Variants in SNTA1 observed in about 807,000 individuals in gnomAD.
SNTA1 encodes alpha-1-syntrophin.
A neutral mutation model predicts 47.1 loss-of-function variants in SNTA1; 31 were observed. The ratio of observed to expected loss-of-function variants is 0.66; its 90% CI spans 0.49 to 0.89. The LOEUF is 0.89. Ranked by LOEUF, SNTA1 falls within the 40% of genes least tolerant of loss-of-function variation. The pLI is 0.00. For synonymous variants in SNTA1, 300 were observed against 313.6 expected (o/e 0.96, Z 0.46); for missense variants, 575 against 693.0 (o/e 0.83, Z 1.91).
intron 2 of SNTA1, among the ~76,000 whole-genome samples, chr20:33,432,134 A>T (rs915063470): frequency 5.9e-5 from 9 of 152,218 alleles, no homozygotes; most frequent in African/African-American, 1.9e-4. Flanking sequence ...TTCCTGGGAC[A>T]GGGGTCCCTC....
At chr20:33,426,528 G>A (rs572901140) in intron 2 of SNTA1, among the ~76,000 whole-genome samples, 8 of 151,544 alleles carry the variant, frequency 5.3e-5, no homozygotes, top group East Asian at 1.9e-4. Context: ...TTGGGTGGCC[G>A]AGGCGGGCGG....
In SNTA1 at chr20:33,408,309, C is replaced by G; in HGVS notation, c.*198G>C. 1 of 619,000 alleles carries G rather than the reference C, an allele frequency of 1.6e-6. No homozygotes were observed. Among genetic ancestry groups the G allele is most frequent in the Non-Finnish European group, 2.9e-6 (1 of 341,260 alleles). 38.3% of individuals were successfully genotyped at this position (619,000 alleles called of 1,614,324 possible). Reference sequence around the variant, plus strand: ...GGGCAGCAGGAAGGCCACCCCATCACAGGCAGAGTCCACTCTGTCCTGCGT... The same window carrying G: ...GGGCAGCAGGAAGGCCACCCCATCAGAGGCAGAGTCCACTCTGTCCTGCGT... On this transcript the variant is annotated 3_prime_UTR_variant, in exon 8 of 8. Coordinates refer to ENST00000217381, the MANE Select transcript of SNTA1 (RefSeq NM_003098.3).
chr20:33,443,399 G>C lies in SNTA1; in HGVS notation c.222C>G (p.Pro74=), dbSNP rs752864338. The change falls in exon 1 of 8, where the codon CCC becomes CCG. Residue 74 remains proline (P), a synonymous_variant. Coordinates refer to ENST00000217381, the MANE Select transcript of SNTA1 (RefSeq NM_003098.3). ...GCAGTAGCGCCTCTGGCAGCTGCGG[G>C]GGCCCGGCGCCCGGCTCCGCGGCGC... The part of the protein sequence containing the change: ...LNGAAEPGAG[P]PQLPEALLLQ... 2 of 1,360,360 alleles carry C rather than the reference G, an allele frequency of 1.5e-6. No homozygotes were observed. The highest frequency in any genetic ancestry group is 1.9e-6 in the Non-Finnish European group (2 of 1,063,764). The allele number at this position is 1,360,360 out of a possible 1,614,324, so 84.3% of individuals were successfully genotyped here.
intron 2 of SNTA1, among the ~76,000 whole-genome samples, chr20:33,421,655 A>G (rs1990024770): frequency 6.7e-6 from 1 of 148,354 alleles, no homozygotes; most frequent in Admixed American, 6.7e-5. Flanking sequence ...AATAATAAAA[A>G]TAAAAGATTA....
chr20:33,427,311 A>T (rs897724648), intron 2 of SNTA1, among the ~76,000 whole-genome samples: 1 of 152,076 alleles, frequency 6.6e-6, no homozygotes, highest in Non-Finnish European at 1.5e-5. Context: ...TCTGAGCCTC[A>T]GTTTCTTTGC....
chr20:33,411,373 A>G (rs1048089559), intron 5 of SNTA1, among the ~76,000 whole-genome samples: 12 of 148,994 alleles, frequency 8.1e-5, no homozygotes, highest in Non-Finnish European at 1.8e-4. Flanking sequence ...CCTCCTGTTC[A>G]TTCCGGACCC....
At chr20:33,436,445 T>G (rs956205303) in intron 2 of SNTA1, among the ~76,000 whole-genome samples, 2 of 152,182 alleles carry the variant, frequency 1.3e-5, no homozygotes, top group African/African-American at 4.8e-5. Flanking sequence ...ATCCATATCA[T>G]TTATGTGGCA....
intron 1 of SNTA1, among the ~76,000 whole-genome samples, chr20:33,439,231 C>T (rs938267324): frequency 6.6e-6 from 1 of 152,116 alleles, no homozygotes; most frequent in East Asian, 1.9e-4. Flanking sequence ...TGATTAGGTC[C>T]GGTGGCTCAT....
rs538629398 is a variant in SNTA1, at chr20:33,408,280, A to T, written c.*227T>A. ...ATCTCTCTGCAAAAGGCACTGGTGG[A>T]GGGGGGCAGCAGGAAGGCCACCCCA... is the stretch of plus-strand genomic sequence containing the variant. On this transcript the variant is annotated 3_prime_UTR_variant, in exon 8 of 8. Coordinates refer to ENST00000217381, the MANE Select transcript of SNTA1 (RefSeq NM_003098.3). The T allele has an allele frequency of 7.5e-5, 44 of 588,316 alleles. No individual in the cohort carries two copies. The highest frequency in any genetic ancestry group is 1.2e-4 in the Non-Finnish European group (38 of 325,782). The allele number at this position is 588,316 out of a possible 1,614,324, so 36.4% of individuals were successfully genotyped here. A position where few individuals can be genotyped will look rare whatever the true frequency, so the allele number is the denominator to read the frequency against.
At chr20:33,429,787 G>C (rs560498521) in intron 2 of SNTA1, among the ~76,000 whole-genome samples, 1 of 151,962 alleles carries the variant, frequency 6.6e-6, no homozygotes, top group Non-Finnish European at 1.5e-5. Flanking sequence ...TTTCGAGACA[G>C]GGTCTCACTC....
Position 33,417,865 on chromosome 20 carries a change from G to A in SNTA1, c.555C>T (p.Val185=), listed in dbSNP as rs34995247. 2,859 of 1,614,030 alleles carry A rather than the reference G, an allele frequency of 1.8e-3. 32 individuals are homozygous for A. In the African/African-American group the frequency reaches 0.03, roughly 17 times the overall value. ...GTGAGGCAGGAGGTGAGTCCCAGCC[G>A]ACCGAGGTCCCACCAGTAGAGTTCT... is the stretch of plus-strand genomic sequence containing the variant. ...YFKNSTGGTS[V]GWDSPPASPL... The change falls in exon 3 of 8, where the codon GTC becomes GTT. Residue 185 remains valine (V), a synonymous_variant. Coordinates refer to ENST00000217381, the MANE Select transcript of SNTA1 (RefSeq NM_003098.3).
intron 3 of SNTA1, 72 bp downstream of exon 3, chr20:33,417,647 G>A (rs964795239): frequency 9.4e-6 from 10 of 1,069,390 alleles, no homozygotes; most frequent in South Asian, 6.3e-5. Context: ...ACACAGAGGT[G>A]TCTTTCCATT....
At chr20:33,418,650 G>A (rs528245011) in intron 2 of SNTA1, among the ~76,000 whole-genome samples, 11 of 151,786 alleles carry the variant, frequency 7.2e-5, no homozygotes, top group East Asian at 3.9e-4. Flanking sequence ...AAAGCTAGCC[G>A]GGCGTGGTGG....
At chr20:33,417,974 C>T (rs1312667668) in intron 2 of SNTA1, 51 bp from the exon 3 acceptor site, 3 of 1,199,264 alleles carry the variant, frequency 2.5e-6, no homozygotes, top group South Asian at 1.2e-5. Context: ...GCTCCCAGCA[C>T]ATATCACAAT....
chr20:33,429,334 TAAAAAAAAAAAAAAAAA>T (rs35077145), intron 2 of SNTA1, among the ~76,000 whole-genome samples: 1 of 25,094 alleles, frequency 4.0e-5, no homozygotes, highest in Non-Finnish European at 6.9e-5. Flanking sequence ...AGACTCCACC[TAAAAAAAAAAAAAAAAA>T]AAAAAAAAAA....
Position 33,410,169 on chromosome 20 carries a change from G to A in SNTA1, c.1203C>T (p.His401=). 6.2e-7 allele frequency: 1 copy of A among 1,614,206 alleles called. No homozygotes were observed. Among genetic ancestry groups the A allele is most frequent in the African/African-American group, 1.3e-5 (1 of 75,072 alleles). The stretch of plus-strand genomic sequence containing the variant: ...CCTCCTGCACACCCTCGGCGGCCCG[G>A]TGACAGCCATCCACAAGCTGGCGGG... ...AWTRQLVDGC[H]RAAEGVQEVS... The change falls in exon 6 of 8, where the codon CAC becomes CAT. Residue 401 remains histidine (H), a synonymous_variant. Transcript: ENST00000217381.
chr20:33,442,410 C>G (rs1990600763), intron 1 of SNTA1, among the ~76,000 whole-genome samples: 1 of 152,116 alleles, frequency 6.6e-6, no homozygotes. Flanking sequence ...GAATAGTGAA[C>G]CCAGCAGCTG....
At chr20:33,412,478 G>C in intron 4 of SNTA1, 52 bp from the exon 5 acceptor site, 1 of 1,607,230 alleles carries the variant, frequency 6.2e-7, no homozygotes, top group Admixed American at 1.7e-5. Flanking sequence ...GAGGGCAGAG[G>C]GCCAGGGCAG....
chr20:33,420,705 T>C (rs921534413), intron 2 of SNTA1, among the ~76,000 whole-genome samples: 1 of 152,102 alleles, frequency 6.6e-6, no homozygotes, highest in African/African-American at 2.4e-5. Context: ...CCCGGCCTTG[T>C]GCGGTGGCTC....
Sources: gnomAD v4.1 joint callset for allele counts (sites outside exome capture counted in the v4.1 genomes callset) on GRCh38, gnomAD v4.1.1 for gene constraint, MANE v1.5 for transcripts, NCBI Gene and HGNC (gene_info 2026-07-23, HGNC 2026-07-21) for gene names.